Variants in WRNIP1 observed in about 807,000 individuals in gnomAD.
WRNIP1 encodes the protein WRN helicase interacting protein 1, also known as ATPase WRNIP1.
A neutral mutation model predicts 56.1 loss-of-function variants in WRNIP1; 41 were observed. The ratio of observed to expected loss-of-function variants is 0.73; its 90% CI spans 0.57 to 0.95. The LOEUF is 0.95. Ranked by LOEUF, WRNIP1 falls within the 40% of genes least tolerant of loss-of-function variation. The probability of loss-of-function intolerance (pLI) is 0.00; values close to 1 mark genes in which losing one functional copy is unlikely to be tolerated. For missense variants in WRNIP1, 1,170 were observed against 939.4 expected, an observed-to-expected ratio of 1.25 and a Z score of -3.21; for synonymous variants, 547 against 398.1, an observed-to-expected ratio of 1.37 and a Z score of -4.45.
In WRNIP1 at chr6:2,783,563, T is replaced by C; in HGVS notation, c.1642+2T>C. Reference sequence around the variant, plus strand: ...TCAGGTTTGCCAGCGAGGACATAGGTGAGTGTGATGGGAGGGTCCCGGAGT... The same window carrying C: ...TCAGGTTTGCCAGCGAGGACATAGGCGAGTGTGATGGGAGGGTCCCGGAGT... On this transcript the variant is annotated splice_donor_variant, in intron 5 of 6. Coordinates refer to ENST00000380773, the MANE Select transcript of WRNIP1 (RefSeq NM_020135.3). LOFTEE classifies it high-confidence loss of function. 6.3e-7 allele frequency: 1 copy of C among 1,593,634 alleles called. No homozygotes were observed. Among genetic ancestry groups the C allele is most frequent in the Non-Finnish European group, 8.5e-7 (1 of 1,170,778 alleles).
At chr6:2,784,900 A>C (rs1765673214) in intron 6 of WRNIP1, 107 bp from the exon 7 acceptor site, 8 of 1,383,912 alleles carry the variant, frequency 5.8e-6, no homozygotes, top group Non-Finnish European at 7.9e-6. Context: ...TAATAAAAGC[A>C]TGTGGGGATC....
Position 2,765,875 on chromosome 6 carries a change from A to T in WRNIP1, c.253A>T (p.Thr85Ser). The change falls in exon 1 of 7, where the codon ACC (threonine) becomes TCC (serine). Residue 85 changes from threonine (T) to serine (S), a missense_variant. By Grantham distance (58) the Thr-to-Ser change is moderately conservative. Coordinates refer to ENST00000380773, the MANE Select transcript of WRNIP1 (RefSeq NM_020135.3). ...GAGCTCGGCGCTGAAGCAGCCAGCC[A>T]CCCCGACGGCAGCCGAGAGCAGCGA... ...SESSALKQPA[T>S]PTAAESSEGE... is the part of the protein sequence containing the mutation. 6.9e-7 allele frequency: 1 copy of T among 1,445,304 alleles called. No individual in the cohort carries two copies. The highest frequency in any genetic ancestry group is 9.1e-7 in the Non-Finnish European group (1 of 1,100,488). 89.5% of individuals were successfully genotyped at this position (1,445,304 alleles called of 1,614,324 possible). A position where few individuals can be genotyped will look rare whatever the true frequency, so the allele number is the denominator to read the frequency against.
At position 2,785,098 on chromosome 6, in the gene WRNIP1, G is replaced by T; in HGVS notation, c.1814G>T (p.Arg605Met). 1 of 1,614,204 alleles carries T rather than the reference G, an allele frequency of 6.2e-7. No individual in the cohort carries two copies. The highest frequency in any genetic ancestry group is 1.1e-5 in the South Asian group (1 of 91,084). The stretch of plus-strand genomic sequence containing the variant: ...TACAACAACGTCAAAGCCTGCCTGA[G>T]GAACCACCAGGGGCCACTGCCCCCC... ...SAYNNVKACL[R>M]NHQGPLPPVP... Residue 605 changes from arginine (R) to methionine (M), a missense_variant, in exon 7 of 7, where the codon AGG becomes ATG. Transcript: ENST00000380773.
chr6:2,781,019 C>T (rs1765545288), intron 4 of WRNIP1, among the ~76,000 whole-genome samples: 1 of 152,206 alleles, frequency 6.6e-6, no homozygotes, highest in African/African-American at 2.4e-5. Flanking sequence ...GTGAAACTGA[C>T]CCGTAAATCC....
chr6:2,780,980 ACCCCC>A (rs1367654842), intron 4 of WRNIP1, among the ~76,000 whole-genome samples: 2 of 152,132 alleles, frequency 1.3e-5, no homozygotes, highest in African/African-American at 2.4e-5. Context: ...TATTAATATT[ACCCCC>A]ATTTTAAGAT....
At chr6:2,781,035 T>C (rs981935502) in intron 4 of WRNIP1, among the ~76,000 whole-genome samples, 6 of 152,256 alleles carry the variant, frequency 3.9e-5, no homozygotes, top group Admixed American at 2.6e-4. Flanking sequence ...AATCCAGGTC[T>C]TACTGGTTCC....
At chr6:2,784,947 C>T in intron 6 of WRNIP1, 60 bp from the exon 7 acceptor site, 1 of 1,589,824 alleles carries the variant, frequency 6.3e-7, no homozygotes, top group Non-Finnish European at 8.6e-7. Flanking sequence ...TCAGAAGGGG[C>T]TCTGCAGAAC....
chr6:2,778,351 A>ACT (rs1319521256), intron 3 of WRNIP1, among the ~76,000 whole-genome samples: 1 of 152,248 alleles, frequency 6.6e-6, no homozygotes, highest in Non-Finnish European at 1.5e-5. Flanking sequence ...TGCAGCTAGC[A>ACT]GCTCAGCCAG....
At chr6:2,768,561 G>T in intron 1 of WRNIP1, 130 bp from the exon 2 acceptor site, 1 of 610,650 alleles carries the variant, frequency 1.6e-6, no homozygotes, top group East Asian at 3.0e-5. Flanking sequence ...TTGTTTCTGT[G>T]CTGCTCAGCA....
chr6:2,768,574 C>T (rs1765132192), intron 1 of WRNIP1, 117 bp from the exon 2 acceptor site: 1 of 748,562 alleles, frequency 1.3e-6, no homozygotes, highest in South Asian at 2.5e-5. Context: ...GCTCAGCATT[C>T]TTCCGAGGTC....
chr6:2,770,423 G>T, intron 3 of WRNIP1, 62 bp downstream of exon 3: 1 of 1,593,494 alleles, frequency 6.3e-7, no homozygotes, highest in Middle Eastern at 1.7e-4. Context: ...CCTGGCAGGG[G>T]GCCAGAAAGG....
chr6:2,784,382 T>G lies in WRNIP1; in HGVS notation c.1701T>G (p.Phe567Leu). Reference protein sequence around the residue: ...QAVAAYQGCHFIGMPECEVLL... With the variant: ...QAVAAYQGCHLIGMPECEVLL... Reference sequence around the variant, plus strand: ...TTGCTGCCTACCAAGGCTGTCATTTTATAGGCATGCCTGAATGTGAGGTAA... The same window carrying G: ...TTGCTGCCTACCAAGGCTGTCATTTGATAGGCATGCCTGAATGTGAGGTAA... The change falls in exon 6 of 7, where the codon TTT becomes TTG. Residue 567 changes from phenylalanine (F) to leucine (L), a missense_variant. Transcript: ENST00000380773. The G allele has an allele frequency of 6.2e-7, 1 of 1,614,148 alleles. No homozygotes were observed. Among genetic ancestry groups the G allele is most frequent in the Non-Finnish European group, 8.5e-7 (1 of 1,179,970 alleles).
intron 3 of WRNIP1, among the ~76,000 whole-genome samples, chr6:2,772,009 G>GATGAC (rs1329621311): frequency 6.6e-6 from 1 of 152,092 alleles, no homozygotes; most frequent in Non-Finnish European, 1.5e-5. Flanking sequence ...AATTAATATT[G>GATGAC]ATGACATGAA....
At chr6:2,784,529 G>A in intron 6 of WRNIP1, 126 bp downstream of exon 6, 1 of 956,758 alleles carries the variant, frequency 1.0e-6, no homozygotes, top group Non-Finnish European at 1.6e-6. Context: ...ATGCTGCTTG[G>A]CTTTGGAATT....
In WRNIP1 at chr6:2,771,347, A is replaced by G. The variant is rs182475363; in HGVS notation, c.1256+986A>G. On this transcript the variant is annotated intron_variant, in intron 3 of 6. Coordinates refer to ENST00000380773, the MANE Select transcript of WRNIP1 (RefSeq NM_020135.3). ...CTGTGTCTAATGAAAGCATTGAAACATTTGGCCCGTGGACCACTGGGTAGG... is the reference window on the plus strand; with the variant it reads ...CTGTGTCTAATGAAAGCATTGAAACGTTTGGCCCGTGGACCACTGGGTAGG... Among the ~76,000 whole-genome samples, 44 of 152,336 alleles carry G rather than the reference A, an allele frequency of 2.9e-4. No individual in the cohort carries two copies. The East Asian group carries it at 8.3e-3, about 29-fold the overall frequency.
chr6:2,770,391 G>T (rs772042858), intron 3 of WRNIP1, 30 bp downstream of exon 3: 1 of 1,612,288 alleles, frequency 6.2e-7, no homozygotes, highest in South Asian at 1.1e-5. Context: ...CGTCCTGGGG[G>T]CACACACCTC....
rs759014200 is a variant in WRNIP1 at position 2,766,452 on chromosome 6, C to T, written c.822+8C>T. ...CCGCCGGGCTGCGGCAAGGTGAGTG[C>T]GGCCTTGGCCGTTGGGCTTCCGTAG... On this transcript the variant is annotated splice_region_variant and intron_variant, in intron 1 of 6. Transcript: ENST00000380773. The T allele has an allele frequency of 6.8e-5, 103 of 1,510,000 alleles. No individual in the cohort carries two copies. Among genetic ancestry groups the T allele is most frequent in the Non-Finnish European group, 8.8e-5 (98 of 1,117,556 alleles). 93.5% of individuals were successfully genotyped at this position (1,510,000 alleles called of 1,614,324 possible). A position where few individuals can be genotyped will look rare whatever the true frequency, so the allele number is the denominator to read the frequency against.
At chr6:2,770,398 C>T (rs1409424939) in intron 3 of WRNIP1, 37 bp downstream of exon 3, 3 of 1,610,020 alleles carry the variant, frequency 1.9e-6, no homozygotes, top group East Asian at 2.2e-5. Flanking sequence ...GGGGCACACA[C>T]CTCCCAGAGA....
chr6:2,785,626 G>A lies in WRNIP1; in HGVS notation c.*344G>A, dbSNP rs2113490055. On this transcript the variant is annotated 3_prime_UTR_variant, in exon 7 of 7. Coordinates refer to ENST00000380773, the MANE Select transcript of WRNIP1 (RefSeq NM_020135.3). ...TAGGATTTTCTTTTCTTTAAAAAAT[G>A]TATATTCTGGGTAGTTTTAATTGGT... 4.0e-6 allele frequency: 1 copy of A among 247,152 alleles called. No homozygotes were observed. The allele number at this position is 247,152 out of a possible 1,614,324, so 15.3% of individuals were successfully genotyped here. A position where few individuals can be genotyped will look rare whatever the true frequency, so the allele number is the denominator to read the frequency against.
Sources: gnomAD v4.1 joint callset for allele counts (sites outside exome capture counted in the v4.1 genomes callset) on GRCh38, gnomAD v4.1.1 for gene constraint, MANE v1.5 for transcripts, NCBI Gene and HGNC (gene_info 2026-07-23, HGNC 2026-07-21) for gene names.